The following PRKCE variants were observed in gnomAD, a reference collection of about 807,000 sequenced individuals.
PRKCE encodes the protein protein kinase C epsilon type.
A neutral mutation model predicts 85.4 loss-of-function variants in PRKCE; 16 were observed. The ratio of observed to expected loss-of-function variants is 0.19; its 90% CI spans 0.13 to 0.28. PRKCE has a LOEUF of 0.28. Among genes scored for constraint, PRKCE ranks in the 10% least tolerant of loss-of-function variants. The pLI is 1.00. For missense variants in PRKCE, 573 were observed against 975.2 expected, an observed-to-expected ratio of 0.59 and a Z score of 5.49; for synonymous variants, 388 against 371.5, an observed-to-expected ratio of 1.04 and a Z score of -0.51.
intron 1 of PRKCE, among the ~76,000 whole-genome samples, chr2:45,765,450 A>G (rs1283375112): frequency 6.6e-6 from 1 of 152,128 alleles, no homozygotes; most frequent in Non-Finnish European, 1.5e-5. Context: ...TAGAGTAACC[A>G]TCTCCGTTTG....
intron 11 of PRKCE, among the ~76,000 whole-genome samples, chr2:46,136,882 G>T (rs1675056291): frequency 6.6e-6 from 1 of 152,204 alleles, no homozygotes; most frequent in African/African-American, 2.4e-5. Context: ...CACATCATTT[G>T]TCCCTTTCCC....
chr2:45,891,526 G>A (rs114157149), intron 2 of PRKCE, among the ~76,000 whole-genome samples: 173 of 152,266 alleles, frequency 1.1e-3, no homozygotes, highest in African/African-American at 3.9e-3. Context: ...TTTTCACCCC[G>A]TCAAGTTTCC....
chr2:45,858,155 C>T (rs1692827906), intron 2 of PRKCE, among the ~76,000 whole-genome samples: 1 of 152,218 alleles, frequency 6.6e-6, no homozygotes, highest in Non-Finnish European at 1.5e-5. Flanking sequence ...ACAGATGTTG[C>T]TCAGGCCACT....
At chr2:45,873,332 T>C (rs1274558153) in intron 2 of PRKCE, among the ~76,000 whole-genome samples, 3 of 152,270 alleles carry the variant, frequency 2.0e-5, no homozygotes, top group Middle Eastern at 6.8e-3. Flanking sequence ...GCAACATCAG[T>C]AGACTTGTCT....
intron 10 of PRKCE, among the ~76,000 whole-genome samples, chr2:46,023,763 C>A (rs550504042): frequency 6.6e-6 from 1 of 152,142 alleles, no homozygotes; most frequent in Non-Finnish European, 1.5e-5. Context: ...CTGTGCCCCC[C>A]ACTGCCTGTG....
At chr2:45,745,150 C>T (rs914969119) in intron 1 of PRKCE, among the ~76,000 whole-genome samples, 11 of 152,170 alleles carry the variant, frequency 7.2e-5, no homozygotes, top group African/African-American at 2.2e-4. Flanking sequence ...TCAATTCCAT[C>T]TTACAATTGT....
intron 1 of PRKCE, among the ~76,000 whole-genome samples, chr2:45,837,715 A>G (rs942204893): frequency 6.6e-6 from 1 of 151,896 alleles, no homozygotes; most frequent in Non-Finnish European, 1.5e-5. Flanking sequence ...GCTTTCTCAG[A>G]TTCTCAACAG....
At chr2:45,913,806 C>A (rs972919294) in intron 2 of PRKCE, among the ~76,000 whole-genome samples, 13 of 152,176 alleles carry the variant, frequency 8.5e-5, no homozygotes, top group African/African-American at 2.7e-4. Context: ...GGAGAGGAGC[C>A]AGTGTATAAA....
chr2:45,847,895 C>T (rs1025601391), intron 2 of PRKCE, among the ~76,000 whole-genome samples: 4 of 152,154 alleles, frequency 2.6e-5, no homozygotes, highest in Admixed American at 6.5e-5. Flanking sequence ...TCTTTTGGTC[C>T]GAGCTCAAGG....
rs1051436526 is a variant in PRKCE at position 46,041,453 on chromosome 2, CCTAA to C, written c.1437+30939_1437+30942del. Among the ~76,000 whole-genome samples, 9 of 152,126 alleles carry C rather than the reference CCTAA, an allele frequency of 5.9e-5. No homozygotes were observed. The highest frequency in any genetic ancestry group is 1.3e-4 in the Non-Finnish European group (9 of 68,024). On this transcript the variant is annotated intron_variant, in intron 10 of 14. Coordinates refer to ENST00000306156, the MANE Select transcript of PRKCE (RefSeq NM_005400.3). This position sits in a 1 kb window ranked among gnomAD's most constrained non-coding sequence, Gnocchi z 5.5. ...AACACACTTGCATATGTTTCCCTGCCCTAACTCAGTTCACATCCAGACTGGCTTC... is the reference window on the plus strand; with the variant it reads ...AACACACTTGCATATGTTTCCCTGCCCTCAGTTCACATCCAGACTGGCTTC...
chr2:46,037,089 T>G (rs1399987410), intron 10 of PRKCE, among the ~76,000 whole-genome samples: 1 of 152,138 alleles, frequency 6.6e-6, no homozygotes, highest in African/African-American at 2.4e-5. Context: ...ATTTGCTGAC[T>G]CAGATTTTCC....
intron 1 of PRKCE, among the ~76,000 whole-genome samples, chr2:45,734,133 G>A (rs1029920828): frequency 3.3e-5 from 5 of 152,178 alleles, no homozygotes; most frequent in South Asian, 2.1e-4. Context: ...TTGGGAGTCC[G>A]AGGCAGGTGG....
At chr2:45,976,666 C>A in intron 3 of PRKCE, 78 bp downstream of exon 3, 1 of 1,481,216 alleles carries the variant, frequency 6.8e-7, no homozygotes, top group Non-Finnish European at 9.2e-7. Flanking sequence ...GGAGACTATG[C>A]ACCTCATTTA....
At chr2:45,791,721 G>T (rs145811160) in intron 1 of PRKCE, among the ~76,000 whole-genome samples, 69 of 152,298 alleles carry the variant, frequency 4.5e-4, no homozygotes, top group African/African-American at 1.5e-3. Flanking sequence ...CCTTGATGCT[G>T]GGTTAATGCG....
intron 1 of PRKCE, among the ~76,000 whole-genome samples, chr2:45,765,424 C>T (rs1038994757): frequency 4.6e-5 from 7 of 152,300 alleles, no homozygotes; most frequent in South Asian, 4.1e-4. Flanking sequence ...TTGGACTCCC[C>T]GGTGCCTTGA....
At chr2:45,883,562 G>C (rs567029714) in intron 2 of PRKCE, among the ~76,000 whole-genome samples, 1 of 152,336 alleles carries the variant, frequency 6.6e-6, no homozygotes, top group South Asian at 2.1e-4. Flanking sequence ...TTGCTCATCT[G>C]TGTGGGTTTT....
intron 10 of PRKCE, among the ~76,000 whole-genome samples, chr2:46,077,188 C>T (rs561170273): frequency 2.8e-4 from 43 of 151,512 alleles, no homozygotes; most frequent in African/African-American, 9.5e-4. Flanking sequence ...CACACACACA[C>T]GCACGCGCAC....
At position 45,907,762 on chromosome 2, in the gene PRKCE, CCTCTGGGT is replaced by C. The variant is rs1697092108; in HGVS notation, c.412+64705_412+64712del. On this transcript the variant is annotated intron_variant, in intron 2 of 14. Coordinates refer to ENST00000306156, the MANE Select transcript of PRKCE (RefSeq NM_005400.3). The surrounding 1 kb of genome is among the most constrained non-coding windows in gnomAD (Gnocchi z 4.5). ...GAGGGCGTGACTGAGCCAATGGCCA[CCTCTGGGT>C]CTCTGCTGCCTCCTTCTGAAGTGGG... 6.6e-6 allele frequency among the ~76,000 whole-genome samples: 1 copy of C among 152,216 alleles called. No homozygotes were observed. The highest frequency in any genetic ancestry group is 2.4e-5 in the African/African-American group (1 of 41,458).
At chr2:45,965,992 G>A (rs1460854885) in intron 2 of PRKCE, among the ~76,000 whole-genome samples, 1 of 151,980 alleles carries the variant, frequency 6.6e-6, no homozygotes, top group African/African-American at 2.4e-5. Context: ...GCAGATGTGT[G>A]GGGAGGTGGG....
Sources: allele counts gnomAD v4.1 joint callset (sites outside exome capture counted in the v4.1 genomes callset), GRCh38; gene constraint gnomAD v4.1.1; non-coding constraint Gnocchi (gnomAD v3.1); transcripts MANE v1.5; gene names NCBI Gene and HGNC (gene_info 2026-07-23, HGNC 2026-07-21).